Variants in LPP observed in about 807,000 individuals in gnomAD.
LPP encodes lipoma-preferred partner.
A neutral mutation model predicts 60.4 loss-of-function variants in LPP; 38 were observed. The observed-to-expected ratio is 0.63, with a 90% confidence interval of 0.49 to 0.83. The LOEUF is 0.83. Among genes scored for constraint, LPP ranks in the 40% least tolerant of loss-of-function variants. The pLI is 0.00. For missense variants in LPP, 902 were observed against 783.6 expected, an observed-to-expected ratio of 1.15 and a Z score of -1.80; for synonymous variants, 328 against 290.8, an observed-to-expected ratio of 1.13 and a Z score of -1.30.
intron 6 of LPP, among the ~76,000 whole-genome samples, chr3:188,587,772 GCTT>G (rs1177804031): frequency 6.6e-6 from 1 of 152,070 alleles, no homozygotes; most frequent in African/African-American, 2.4e-5. Flanking sequence ...CTATTATTTG[GCTT>G]CCTTTAAAAT....
intron 5 of LPP, among the ~76,000 whole-genome samples, chr3:188,485,905 A>T (rs1471897172): frequency 3.3e-5 from 5 of 151,476 alleles, no homozygotes. Context: ...TTATGATTTG[A>T]TAACTGTTGG....
chr3:188,330,862 A>AGT (rs1235580855), intron 2 of LPP, among the ~76,000 whole-genome samples: 1 of 2,752 alleles, frequency 3.6e-4, no homozygotes, highest in Non-Finnish European at 2.0e-3. Context: ...TAAGTAAGTA[A>AGT]ATAAATAAAT....
Position 188,154,571 on chromosome 3 carries a change from C to T in LPP, c.-190+319C>T, listed in dbSNP as rs569291186. Among the ~76,000 whole-genome samples, 4 of 152,332 alleles carry T rather than the reference C, an allele frequency of 2.6e-5. No individual in the cohort carries two copies. The South Asian group carries it at 8.3e-4, about 32-fold the overall frequency. On this transcript the variant is annotated intron_variant, in intron 1 of 11. Coordinates refer to ENST00000617246, the MANE Select transcript of LPP (RefSeq NM_001375462.1). Reference sequence around the variant, plus strand: ...CATCCGCTTAGAGCTTTCGCGGAATCACAGTTGTCACAGCGGAAAGGGCCT... The same window carrying T: ...CATCCGCTTAGAGCTTTCGCGGAATTACAGTTGTCACAGCGGAAAGGGCCT...
intron 7 of LPP, among the ~76,000 whole-genome samples, chr3:188,650,960 A>G (rs1291189576): frequency 6.6e-6 from 1 of 152,208 alleles, no homozygotes; most frequent in African/African-American, 2.4e-5. Flanking sequence ...CCGTCTCTTT[A>G]TTGAAAAGGC....
intron 4 of LPP, among the ~76,000 whole-genome samples, chr3:188,477,469 A>G (rs1803537783): frequency 6.6e-6 from 1 of 152,194 alleles, no homozygotes; most frequent in Non-Finnish European, 1.5e-5. Context: ...AATTGCTTTC[A>G]TATTGTTAGT....
Position 188,273,345 on chromosome 3 carries a change from C to T in LPP, c.-67+47818C>T, listed in dbSNP as rs183989577. Among the ~76,000 whole-genome samples, 18 of 152,284 alleles carry T rather than the reference C, an allele frequency of 1.2e-4. No individual in the cohort carries two copies. In the East Asian group the frequency reaches 2.3e-3, roughly 20 times the overall value. ...TCTACTTTCTTATTATTCATTTGTA[C>T]GTGTGTACTTTCACTTATTTAAGGC... is the stretch of plus-strand genomic sequence containing the variant. On this transcript the variant is annotated intron_variant, in intron 2 of 11. Transcript: ENST00000617246.
chr3:188,638,230 A>T (rs1453728593), intron 7 of LPP, among the ~76,000 whole-genome samples: 86 of 144,596 alleles, frequency 5.9e-4, no homozygotes, highest in African/African-American at 2.1e-3. Flanking sequence ...CAATAAATGT[A>T]ATCCAGCATA....
At position 188,874,504 on chromosome 3, in the gene LPP, C is replaced by G. The variant is rs1276832615; in HGVS notation, c.*25C>G. 6 of 1,607,822 alleles carry G rather than the reference C, an allele frequency of 3.7e-6. No individual in the cohort carries two copies. The highest frequency in any genetic ancestry group is 5.1e-6 in the Non-Finnish European group (6 of 1,175,510). Reference sequence around the variant, plus strand: ...GATTCAGTCACCTGTTCAGCCGGCACTGAGAAGAACGAACACAAGAAAAAG... The same window carrying G: ...GATTCAGTCACCTGTTCAGCCGGCAGTGAGAAGAACGAACACAAGAAAAAG... On this transcript the variant is annotated 3_prime_UTR_variant, in exon 12 of 12. Transcript: ENST00000617246.
chr3:188,870,618 A>G (rs1317578947), intron 10 of LPP, among the ~76,000 whole-genome samples: 2 of 152,242 alleles, frequency 1.3e-5, no homozygotes, highest in East Asian at 3.8e-4. Flanking sequence ...TTGGCACATA[A>G]TAAGCACTCA....
chr3:188,669,688 A>T (rs1337759046), intron 7 of LPP, among the ~76,000 whole-genome samples: 2 of 152,218 alleles, frequency 1.3e-5, no homozygotes, highest in East Asian at 3.9e-4. Context: ...ATTGTGGAAG[A>T]CAGTGTGGCA....
chr3:188,721,443 A>G (rs115064404), intron 8 of LPP, among the ~76,000 whole-genome samples: 2,521 of 152,130 alleles, frequency 0.017, 53 homozygotes, highest in African/African-American at 0.057. Context: ...GGTTCCAGCT[A>G]CTCATGAGGC....
intron 2 of LPP, among the ~76,000 whole-genome samples, chr3:188,331,372 GC>G (rs1489118110): frequency 6.6e-6 from 1 of 152,110 alleles, no homozygotes; most frequent in African/African-American, 2.4e-5. Context: ...TGGCTATGTA[GC>G]CTCCACTTGA....
Position 188,380,883 on chromosome 3 carries a change from G to A in LPP, c.-9-25229G>A, listed in dbSNP as rs115676710. Among the ~76,000 whole-genome samples, 700 of 152,276 alleles carry A rather than the reference G, an allele frequency of 4.6e-3. 7 individuals are homozygous for A. The highest frequency in any genetic ancestry group is 0.016 in the African/African-American group (672 of 41,536). On this transcript the variant is annotated intron_variant, in intron 3 of 11. Coordinates refer to ENST00000617246, the MANE Select transcript of LPP (RefSeq NM_001375462.1). ...TGTGTTATCTCATTCAGTCTTTACA[G>A]CCCATTCTCATGGATTAGGAAACTG...
At chr3:188,394,184 A>G (rs1780355317) in intron 3 of LPP, among the ~76,000 whole-genome samples, 1 of 152,244 alleles carries the variant, frequency 6.6e-6, no homozygotes, top group Admixed American at 6.5e-5. Flanking sequence ...TGAAACACAT[A>G]AAGATGTAAA....
intron 9 of LPP, among the ~76,000 whole-genome samples, chr3:188,835,628 T>A (rs56183845): frequency 0.12 from 18,088 of 151,446 alleles, 1,504 homozygotes; most frequent in Non-Finnish European, 0.18. Context: ...CCAAAAAAAA[T>A]AAAAAGAATA....
At chr3:188,358,635 T>G (rs1768296649) in intron 3 of LPP, among the ~76,000 whole-genome samples, 1 of 152,150 alleles carries the variant, frequency 6.6e-6, no homozygotes, top group South Asian at 2.1e-4. Context: ...GAGATGCCAG[T>G]CTAATGCTGT....
At chr3:188,782,264 T>C (rs1740032166) in intron 9 of LPP, among the ~76,000 whole-genome samples, 1 of 152,184 alleles carries the variant, frequency 6.6e-6, no homozygotes, top group South Asian at 2.1e-4. Flanking sequence ...CAGTATCTCA[T>C]CACTTTCAGG....
intron 4 of LPP, among the ~76,000 whole-genome samples, chr3:188,445,576 A>T (rs1225002967): frequency 6.6e-6 from 1 of 152,102 alleles, no homozygotes; most frequent in Non-Finnish European, 1.5e-5. Flanking sequence ...ACCGTGGCAT[A>T]TGTATACCTA....
chr3:188,805,069 C>T (rs1748663602), intron 9 of LPP, among the ~76,000 whole-genome samples: 1 of 151,878 alleles, frequency 6.6e-6, no homozygotes. Flanking sequence ...TTGTACTACT[C>T]CTTTTGTGTG....
Sources: gnomAD v4.1 joint callset for allele counts (sites outside exome capture counted in the v4.1 genomes callset) on GRCh38, gnomAD v4.1.1 for gene constraint, MANE v1.5 for transcripts, NCBI Gene and HGNC (gene_info 2026-07-23, HGNC 2026-07-21) for gene names.